CRELD1: variants seen among roughly 807,000 people sequenced by gnomAD.
CRELD1 encodes CRELD disulfide isomerase 1, also known as protein disulfide isomerase CRELD1.
CRELD1 carries 42 observed loss-of-function variants against 58.2 expected under a neutral mutation model. That is an observed-to-expected ratio of 0.72 (90% CI 0.56 to 0.93). The LOEUF (loss-of-function observed/expected upper bound fraction) is 0.93. Among genes scored for constraint, CRELD1 ranks in the 40% least tolerant of loss-of-function variants. The pLI is 0.00. For missense variants in CRELD1, 500 were observed against 540.6 expected (o/e 0.92, Z 0.74); for synonymous variants, 222 against 202.0 (o/e 1.10, Z -0.84).
intron 1 of CRELD1, 72 bp from the exon 2 acceptor site, chr3:9,934,348 G>A: frequency 8.0e-7 from 1 of 1,251,330 alleles, no homozygotes; most frequent in Non-Finnish European, 1.2e-6. Flanking sequence ...CGGCACCTTA[G>A]AACAGACCTT....
At chr3:9,943,545 C>T in intron 10 of CRELD1, 30 bp downstream of exon 10, 1 of 1,613,768 alleles carries the variant, frequency 6.2e-7, no homozygotes, top group South Asian at 1.1e-5. Context: ...AGGGGAGGTC[C>T]TCATTCAAAG....
rs201866563 is a variant in CRELD1 at position 9,940,964 on chromosome 3, G to C, written c.575G>C (p.Cys192Ser). The change falls in exon 6 of 11, where the codon TGT becomes TCT. Residue 192 changes from cysteine to serine, a missense_variant. Coordinates refer to ENST00000452070, the MANE Select transcript of CRELD1 (RefSeq NM_001077415.3). ...CAAGCCGGCTACGGGGGTGAGGCCT[G>C]TGGCCAGTGTGGCCTTGGCTACTTT... ...DCQAGYGGEA[C>S]GQCGLGYFEA... 1 of 1,614,176 alleles carries C rather than the reference G, an allele frequency of 6.2e-7. No homozygotes were observed. Among genetic ancestry groups the C allele is most frequent in the Non-Finnish European group, 8.5e-7 (1 of 1,180,032 alleles).
Position 9,943,397 on chromosome 3 carries a change from G to A in CRELD1, c.930G>A (p.Glu310=). 1.2e-6 allele frequency: 2 copies of A among 1,614,040 alleles called. No individual in the cohort carries two copies. Among genetic ancestry groups the A allele is most frequent in the Non-Finnish European group, 1.7e-6 (2 of 1,180,002 alleles). ...GSKCLDVDEC[E]TEVCPGENKQ... is the part of the protein sequence containing the mutation. ...CCCCTCAAGATGTGGATGAGTGTGA[G>A]ACAGAGGTGTGTCCGGGAGAGAACA... Residue 310 remains glutamate (E), a synonymous_variant, in exon 10 of 11, where the codon GAG becomes GAA. Coordinates refer to ENST00000452070, the MANE Select transcript of CRELD1 (RefSeq NM_001077415.3).
intron 10 of CRELD1, 110 bp downstream of exon 10, chr3:9,943,625 C>T (rs2085432997): frequency 3.1e-6 from 5 of 1,590,052 alleles, no homozygotes; most frequent in Non-Finnish European, 3.4e-6. Flanking sequence ...CTACTGCCAC[C>T]CAGCCCCCTG....
intron 10 of CRELD1, 93 bp from the exon 11 acceptor site, chr3:9,944,272 T>C (rs2085458430): frequency 3.4e-6 from 4 of 1,176,686 alleles, no homozygotes; most frequent in Non-Finnish European, 5.1e-6. Flanking sequence ...CTGGTGGCCA[T>C]GATGATCAGG....
intron 7 of CRELD1, among the ~76,000 whole-genome samples, chr3:9,942,097 C>T (rs1021465248): frequency 6.6e-6 from 1 of 151,952 alleles, no homozygotes; most frequent in Non-Finnish European, 1.5e-5. Flanking sequence ...TGGCAAAACC[C>T]TGTCTGTACT....
intron 7 of CRELD1, among the ~76,000 whole-genome samples, chr3:9,942,002 C>T (rs1448115542): frequency 6.6e-6 from 1 of 152,028 alleles, no homozygotes; most frequent in African/African-American, 2.4e-5. Flanking sequence ...TGGTAGCTCA[C>T]TCACGCCTCT....
chr3:9,943,931 C>T (rs781645385), intron 10 of CRELD1: 3 of 1,505,376 alleles, frequency 2.0e-6, no homozygotes, highest in East Asian at 2.3e-5. Context: ...TGATTTAACC[C>T]CTGAAACAAC....
At position 9,944,836 on chromosome 3, in the gene CRELD1, G is replaced by C. The variant is rs2124868855; in HGVS notation, c.*257G>C. On this transcript the variant is annotated 3_prime_UTR_variant, in exon 11 of 11. Coordinates refer to ENST00000452070, the MANE Select transcript of CRELD1 (RefSeq NM_001077415.3). The stretch of plus-strand genomic sequence containing the variant: ...GCTTCACAATGTGTGAATTTCAAAA[G>C]TTTTTCCTTAATGGTGGCTGCTAGA... 4 of 530,224 alleles carry C rather than the reference G, an allele frequency of 7.5e-6. No homozygotes were observed. Among genetic ancestry groups the C allele is most frequent in the Non-Finnish European group, 1.4e-5 (4 of 292,386 alleles). The allele number at this position is 530,224 out of a possible 1,614,324, so 32.8% of individuals were successfully genotyped here.
chr3:9,934,303 C>T lies in CRELD1; in HGVS notation c.-19-117C>T, dbSNP rs1368262976. On this transcript the variant is annotated intron_variant, in intron 1 of 10. Transcript: ENST00000452070. ...CAGCCCCTGCAATACCCAGTTTGGC[C>T]TCTTTTGCTTGTAATAACGCAGATC... The T allele has an allele frequency of 1.5e-4, 125 of 814,652 alleles. No individual in the cohort carries two copies. The Admixed American group carries it at 2.0e-3, about 13-fold the overall frequency. The allele number at this position is 814,652 out of a possible 1,614,324, so 50.5% of individuals were successfully genotyped here. A position where few individuals can be genotyped will look rare whatever the true frequency, so the allele number is the denominator to read the frequency against.
intron 5 of CRELD1, 149 bp downstream of exon 5, chr3:9,938,255 G>T: frequency 1.5e-6 from 1 of 687,168 alleles, no homozygotes; most frequent in Admixed American, 2.1e-5. Context: ...CAGGGCTGGG[G>T]AGATGGGCAA....
At chr3:9,937,298 C>T (rs896062864) in intron 3 of CRELD1, among the ~76,000 whole-genome samples, 1 of 152,180 alleles carries the variant, frequency 6.6e-6, no homozygotes, top group Non-Finnish European at 1.5e-5. Context: ...TATGTTACAA[C>T]AAACCTGCAG....
intron 5 of CRELD1, among the ~76,000 whole-genome samples, chr3:9,940,638 G>A (rs1217363084): frequency 1.3e-5 from 2 of 149,774 alleles, no homozygotes; most frequent in Admixed American, 1.3e-4. Context: ...GCTTCAGCTT[G>A]GCATCAGAGG....
chr3:9,935,063 G>C, intron 3 of CRELD1, 146 bp downstream of exon 3: 1 of 663,788 alleles, frequency 1.5e-6, no homozygotes, highest in Non-Finnish European at 2.6e-6. Context: ...AACAAGGCAA[G>C]CAAAATGCCC....
intron 5 of CRELD1, 79 bp downstream of exon 5, chr3:9,938,185 G>A (rs1293714070): frequency 8.0e-6 from 9 of 1,129,392 alleles, no homozygotes; most frequent in African/African-American, 3.1e-5. Flanking sequence ...TCCCTAGTTC[G>A]CTGTGTGAAC....
At chr3:9,935,514 G>A (rs962870924) in intron 3 of CRELD1, among the ~76,000 whole-genome samples, 6 of 152,136 alleles carry the variant, frequency 3.9e-5, no homozygotes, top group African/African-American at 7.2e-5. Flanking sequence ...GGGCAAGGGC[G>A]GAGGAAGCAG....
chr3:9,938,478 G>A, intron 5 of CRELD1: 1 of 233,190 alleles, frequency 4.3e-6, no homozygotes, highest in Non-Finnish European at 8.6e-6. Flanking sequence ...CACAAGAGCT[G>A]AACTTACTAC....
In CRELD1 at chr3:9,945,271, T is replaced by G. The variant is rs1240882420; in HGVS notation, c.*692T>G. The G allele has an allele frequency of 1.9e-5, 3 of 156,534 alleles. No individual in the cohort carries two copies. The highest frequency in any genetic ancestry group is 7.2e-5 in the African/African-American group (3 of 41,492). The allele number at this position is 156,534 out of a possible 1,614,324, so 9.7% of individuals were successfully genotyped here. On this transcript the variant is annotated 3_prime_UTR_variant, in exon 11 of 11. Transcript: ENST00000452070. ...TGCCTCTGAACTTCACTCTTCTCTT[T>G]CCTCAAATGGGCTTCATAATGCTTT...
intron 3 of CRELD1, among the ~76,000 whole-genome samples, 170 bp from the exon 4 acceptor site, chr3:9,937,391 AC>A (rs1016117515): frequency 2.0e-5 from 3 of 152,066 alleles, no homozygotes; most frequent in Non-Finnish European, 4.4e-5. Context: ...TAGATCTACC[AC>A]TAGATTTGAA....
Sources: gnomAD v4.1 joint callset for allele counts (sites outside exome capture counted in the v4.1 genomes callset) on GRCh38, gnomAD v4.1.1 for gene constraint, MANE v1.5 for transcripts, NCBI Gene and HGNC (gene_info 2026-07-23, HGNC 2026-07-21) for gene names.